The following LRGUK variants were observed in gnomAD, a reference collection of about 807,000 sequenced individuals.
The protein encoded by LRGUK is leucine-rich repeat and guanylate kinase domain-containing protein.
Under a neutral mutation model 76.0 loss-of-function variants are expected in LRGUK, and 65 were observed. The observed-to-expected ratio is 0.85, with a 90% CI of 0.70 to 1.05. LRGUK has a LOEUF of 1.05. LRGUK is among the 50% of genes least tolerant of loss of function. LRGUK has a pLI of 0.00. For missense variants in LRGUK, 758 were observed against 732.8 expected (o/e 1.03, Z -0.40); for synonymous variants, 268 against 265.6 (o/e 1.01, Z -0.09).
downstream of LRGUK, among the ~76,000 whole-genome samples, chr7:134,213,745 G>A (rs576948094): frequency 8.3e-4 from 127 of 152,146 alleles, no homozygotes; most frequent in African/African-American, 2.8e-3. Context: ...TTTTGTTTGT[G>A]GTCAGAGGAA....
intron 7 of LRGUK, among the ~76,000 whole-genome samples, chr7:134,174,191 A>G (rs73439471): frequency 0.16 from 23,767 of 151,190 alleles, 2,611 homozygotes; most frequent in East Asian, 0.38. Context: ...GGGGGCTGGA[A>G]GGCTAGGAAT....
intron 4 of LRGUK, among the ~76,000 whole-genome samples, chr7:134,146,152 T>C: frequency 6.6e-6 from 1 of 152,038 alleles, no homozygotes; most frequent in East Asian, 1.9e-4. Flanking sequence ...TGGGAGCCTA[T>C]AGTCCCAGCT....
chr7:134,239,859 G>C (rs575321958), intron 16 of LRGUK, among the ~76,000 whole-genome samples: 5 of 152,204 alleles, frequency 3.3e-5, no homozygotes, highest in Non-Finnish European at 7.3e-5. Flanking sequence ...AGCTTCCAGA[G>C]GAAGGATTAG....
exon 16 of LRGUK, chr7:134,209,828 C>G (rs370733853): frequency 2.5e-6 from 1 of 399,292 alleles, no homozygotes; most frequent in Non-Finnish European, 4.4e-6. Flanking sequence ...TCTTATCAGT[C>G]CCCCCAGCCA....
intron 3 of LRGUK, among the ~76,000 whole-genome samples, chr7:134,140,913 C>T (rs1797739003): frequency 6.6e-6 from 1 of 152,160 alleles, no homozygotes; most frequent in African/African-American, 2.4e-5. Context: ...TGCCCAGCTT[C>T]CCCAGGGTTA....
At chr7:134,268,715 A>ATTTTTT (rs1802904887), downstream of LRGUK, among the ~76,000 whole-genome samples, 1 of 111,868 alleles carries the variant, frequency 8.9e-6, no homozygotes, top group Non-Finnish European at 1.9e-5. Context: ...TATGCAAAAA[A>ATTTTTT]TCTTTTTTTT....
chr7:134,147,012 G>C (rs926394511), intron 4 of LRGUK, among the ~76,000 whole-genome samples: 1 of 152,032 alleles, frequency 6.6e-6, no homozygotes, highest in African/African-American at 2.4e-5. Context: ...TTGTTTTTTA[G>C]TCTTACATGT....
chr7:134,197,032 A>G (rs1351704739), exon 13 of LRGUK: 2 of 1,610,972 alleles, frequency 1.2e-6, no homozygotes, highest in Admixed American at 3.3e-5. Flanking sequence ...AATCACAAGT[A>G]TGGATTAAAT....
At chr7:134,231,835 CTT>C (rs1801906904) in intron 16 of LRGUK, among the ~76,000 whole-genome samples, 1 of 149,064 alleles carries the variant, frequency 6.7e-6, no homozygotes, top group Non-Finnish European at 1.5e-5. Flanking sequence ...GCCTTCTTTA[CTT>C]TCTCTCTCCC....
At chr7:134,251,480 A>C (rs1447299013) in intron 18 of LRGUK, among the ~76,000 whole-genome samples, 2 of 152,114 alleles carry the variant, frequency 1.3e-5, no homozygotes, top group Non-Finnish European at 2.9e-5. Context: ...TGAGACAATC[A>C]ATTTCCATTG....
At chr7:134,245,239 ACTT>A (rs1347834122) in intron 16 of LRGUK, among the ~76,000 whole-genome samples, 2 of 152,164 alleles carry the variant, frequency 1.3e-5, no homozygotes, top group African/African-American at 4.8e-5. Flanking sequence ...AGTTCCTATG[ACTT>A]CTTATACTCA....
downstream of LRGUK, among the ~76,000 whole-genome samples, chr7:134,268,675 A>G (rs1167324499): frequency 6.6e-6 from 1 of 151,696 alleles, no homozygotes; most frequent in Non-Finnish European, 1.5e-5. Flanking sequence ...CAATATAAAA[A>G]AATAAAACTA....
chr7:134,158,115 A>G (rs768843385), exon 6 of LRGUK: 4 of 1,613,242 alleles, frequency 2.5e-6, no homozygotes, highest in South Asian at 2.2e-5. Flanking sequence ...TAAGATCACG[A>G]CAATTAATGG....
chr7:134,218,163 A>G (rs1485780782), intron 15 of LRGUK, among the ~76,000 whole-genome samples: 10 of 152,114 alleles, frequency 6.6e-5, no homozygotes, highest in Admixed American at 3.3e-4. Context: ...GGTTTTGCCA[A>G]TGTTGGCCAG....
At chr7:134,235,577 G>A (rs6955739) in intron 16 of LRGUK, among the ~76,000 whole-genome samples, 3,112 of 152,110 alleles carry the variant, frequency 0.02, 121 homozygotes, top group African/African-American at 0.07. Context: ...ACCCTCTAAT[G>A]CATTAGGCTA....
chr7:134,180,314 A>G (rs1387040616), intron 10 of LRGUK, among the ~76,000 whole-genome samples: 6 of 151,700 alleles, frequency 4.0e-5, no homozygotes, highest in Admixed American at 1.3e-4. Context: ...CCATCCATCC[A>G]TCCATCCATC....
At chr7:134,275,314 A>G in the LRGUK span, among the ~76,000 whole-genome samples, 1 of 152,102 alleles carries the variant, frequency 6.6e-6, no homozygotes, top group Non-Finnish European at 1.5e-5. Context: ...TTTACTACCA[A>G]TTGTTTTATA....
At chr7:134,264,888 G>A (rs1159558422), downstream of LRGUK, among the ~76,000 whole-genome samples, 4 of 152,136 alleles carry the variant, frequency 2.6e-5, no homozygotes, top group Non-Finnish European at 5.9e-5. Flanking sequence ...TAAATATTTT[G>A]AATATCAGAA....
chr7:134,276,517 G>A, the LRGUK span, among the ~76,000 whole-genome samples: 55 of 152,266 alleles, frequency 3.6e-4, no homozygotes, highest in Non-Finnish European at 6.6e-4. Flanking sequence ...GACATATCAT[G>A]AATCAGGTTG....
Sources: allele counts gnomAD v4.1 joint callset (sites outside exome capture counted in the v4.1 genomes callset), GRCh38; gene constraint gnomAD v4.1.1; transcripts MANE v1.5; gene names NCBI Gene and HGNC (gene_info 2026-07-23, HGNC 2026-07-21).